The following MYO18A variants were observed in gnomAD, a reference collection of about 807,000 sequenced individuals.
MYO18A encodes myosin XVIIIA, also known as unconventional myosin-XVIIIa.
MYO18A carries 78 observed loss-of-function variants against 235.8 expected under a neutral mutation model. That is an observed-to-expected ratio of 0.33 (90% confidence interval 0.28 to 0.40). The LOEUF is 0.40. MYO18A is among the 10% of genes least tolerant of loss of function. The pLI, the probability that MYO18A is intolerant of heterozygous loss-of-function variation, is 1.00. For synonymous variants in MYO18A, 977 were observed against 1,077.8 expected (o/e 0.91, Z 1.83); for missense variants, 2,215 against 2,699.3 (o/e 0.82, Z 3.98).
At position 29,072,581 on chromosome 17, in the gene MYO18A, A is replaced by G. The variant is rs1239269657; in HGVS notation, c.*2189T>C. The G allele has an allele frequency of 3.3e-5, 5 of 152,098 alleles. No individual in the cohort carries two copies. The highest frequency in any genetic ancestry group is 7.3e-5 in the Non-Finnish European group (5 of 68,070). 9.4% of individuals were successfully genotyped at this position (152,098 alleles called of 1,614,324 possible). On this transcript the variant is annotated 3_prime_UTR_variant, in exon 42 of 42. Transcript: ENST00000527372. ...TTGTTTCTATCCTCTTCTCTGTTCT[A>G]TCGTGGGGCAATGGAGGGGGCAGTC... is the stretch of plus-strand genomic sequence containing the variant.
Position 29,118,884 on chromosome 17 carries a change from A to G in MYO18A, c.1830-444T>C, listed in dbSNP as rs1359945322. ...GTGGCAGAGGCAGCCAACGTGGGGC[A>G]GGAAGGGCTAGTCTGGAGGGCACTG... is the stretch of plus-strand genomic sequence containing the variant. On this transcript the variant is annotated intron_variant, in intron 8 of 41. Transcript: ENST00000527372. This position sits in a 1 kb window ranked among gnomAD's most constrained non-coding sequence, Gnocchi z 4.2. Among the ~76,000 whole-genome samples the G allele has an allele frequency of 1.3e-5, 2 of 152,162 alleles. No individual in the cohort carries two copies. Among genetic ancestry groups the G allele is most frequent in the Non-Finnish European group, 2.9e-5 (2 of 68,010 alleles).
chr17:29,154,121 T>TGTGTGTGTGTGTGTGTGCGCACGCGCGC (rs142430455), intron 2 of MYO18A, among the ~76,000 whole-genome samples: 19 of 149,106 alleles, frequency 1.3e-4, no homozygotes, highest in African/African-American at 4.6e-4. Flanking sequence ...TGTGTGTGTG[T>TGTGTGTGTGTGTGTGTGCGCACGCGCGC]GCGCGCGCGT....
chr17:29,128,657 A>C, intron 2 of MYO18A: 2 of 828,814 alleles, frequency 2.4e-6, no homozygotes, highest in Non-Finnish European at 3.2e-6. Flanking sequence ...TCTCCCATTC[A>C]TCTACCAAGC....
At chr17:29,149,054 T>A (rs1291499061) in intron 2 of MYO18A, among the ~76,000 whole-genome samples, 1 of 152,170 alleles carries the variant, frequency 6.6e-6, no homozygotes, top group Non-Finnish European at 1.5e-5. Context: ...CCCCTTCTCA[T>A]CTACCCTCCC....
chr17:29,147,520 TAAAAACA>T (rs1168745047), intron 2 of MYO18A, among the ~76,000 whole-genome samples: 1 of 148,034 alleles, frequency 6.8e-6, no homozygotes, highest in Non-Finnish European at 1.5e-5. Context: ...AGACCCTGCC[TAAAAACA>T]AAAAACAAAA....
At position 29,092,847 on chromosome 17, in the gene MYO18A, G is replaced by C. The variant is rs754373795; in HGVS notation, c.5073+8C>G. The C allele has an allele frequency of 2.5e-6, 4 of 1,613,742 alleles. No individual in the cohort carries two copies. The highest frequency in any genetic ancestry group is 3.4e-6 in the Non-Finnish European group (4 of 1,179,846). ...TGCCTGGATCAGCCGTGTGCTCTCT[G>C]TGGATACCTGGTTCTTGAGCTGGGC... On this transcript the variant is annotated splice_region_variant and intron_variant, in intron 33 of 41. Coordinates refer to ENST00000527372, the MANE Select transcript of MYO18A (RefSeq NM_078471.4).
Position 29,093,414 on chromosome 17 carries a change from T to C in MYO18A, c.4835A>G (p.Glu1612Gly), listed in dbSNP as rs1314484826. 4 of 1,610,784 alleles carry C rather than the reference T, an allele frequency of 2.5e-6. No homozygotes were observed. In the East Asian group the frequency reaches 6.7e-5, roughly 27 times the overall value. ...CTCATACTCTTCCTCTAGCTGCACC[T>C]CCATCTGTTTTAACTGGAGTACCAT... is the stretch of plus-strand genomic sequence containing the variant. ...QSCQKKLKQM[E>G]VQLEEEYEDK... is the part of the protein sequence containing the mutation. Residue 1612 changes from glutamate to glycine, a missense_variant, in exon 32 of 42, where the codon GAG becomes GGG. Glu to Gly is a moderately conservative substitution (Grantham distance 98). Coordinates refer to ENST00000527372, the MANE Select transcript of MYO18A (RefSeq NM_078471.4).
chr17:29,089,045 C>CA (rs34652243), intron 37 of MYO18A, among the ~76,000 whole-genome samples: 52,457 of 103,040 alleles, frequency 0.51, 11,631 homozygotes, highest in East Asian at 0.84. Flanking sequence ...GACCCTATCT[C>CA]AAAAAAAAAA....
At position 29,074,183 on chromosome 17, in the gene MYO18A, G is replaced by A. The variant is rs1193591289; in HGVS notation, c.*587C>T. On this transcript the variant is annotated 3_prime_UTR_variant, in exon 42 of 42. Coordinates refer to ENST00000527372, the MANE Select transcript of MYO18A (RefSeq NM_078471.4). This position sits in a 1 kb window ranked among gnomAD's most constrained non-coding sequence, Gnocchi z 4.4. ...GAGAAAGGACTGCTCTCTGAAGGGTGAAGATGGAGATGACATTCCCGAGTC... is the reference window on the plus strand; with the variant it reads ...GAGAAAGGACTGCTCTCTGAAGGGTAAAGATGGAGATGACATTCCCGAGTC... 1.9e-6 allele frequency: 3 copies of A among 1,604,472 alleles called. No homozygotes were observed. The highest frequency in any genetic ancestry group is 2.2e-5 in the East Asian group (1 of 44,696).
At chr17:29,116,365 C>T in intron 11 of MYO18A, 79 bp downstream of exon 11, 1 of 1,567,430 alleles carries the variant, frequency 6.4e-7, no homozygotes, top group Non-Finnish European at 8.8e-7. Context: ...AGGGAACAGC[C>T]CGCACAGACA....
At chr17:29,097,069 T>G in intron 27 of MYO18A, 154 bp from the exon 28 acceptor site, 4 of 1,388,964 alleles carry the variant, frequency 2.9e-6, no homozygotes, top group Non-Finnish European at 3.8e-6. Flanking sequence ...GATAGCTTGC[T>G]CCTGATTGCC....
At chr17:29,081,335 G>A (rs1262059876) in intron 41 of MYO18A, among the ~76,000 whole-genome samples, 2 of 152,224 alleles carry the variant, frequency 1.3e-5, no homozygotes, top group Non-Finnish European at 2.9e-5. Flanking sequence ...CTCGTGCCAT[G>A]CCGTGGTGAA....
intron 1 of MYO18A, among the ~76,000 whole-genome samples, chr17:29,168,821 G>A (rs1157170724): frequency 6.6e-6 from 1 of 152,148 alleles, no homozygotes; most frequent in Non-Finnish European, 1.5e-5. Context: ...TCAAGGCCAG[G>A]TACAGTGGCT....
intron 2 of MYO18A, among the ~76,000 whole-genome samples, chr17:29,123,297 G>C (rs2067244380): frequency 6.6e-6 from 1 of 152,110 alleles, no homozygotes; most frequent in East Asian, 1.9e-4. Flanking sequence ...CGTGCCCCGG[G>C]TGGGGGATGG....
At position 29,174,009 on chromosome 17, in the gene MYO18A, A is replaced by G. The variant is rs531427121; in HGVS notation, c.-82+6304T>C. Reference sequence around the variant, plus strand: ...GGCTGGTCTCAAACTCCTGGCCCCAAGCAATCCTCCTGCCTCAGCCTCCTG... The same window carrying G: ...GGCTGGTCTCAAACTCCTGGCCCCAGGCAATCCTCCTGCCTCAGCCTCCTG... On this transcript the variant is annotated intron_variant, in intron 1 of 41. Coordinates refer to ENST00000527372, the MANE Select transcript of MYO18A (RefSeq NM_078471.4). Among the ~76,000 whole-genome samples, 4 of 151,836 alleles carry G rather than the reference A, an allele frequency of 2.6e-5. No homozygotes were observed. In the East Asian group the frequency reaches 7.8e-4, roughly 30 times the overall value.
At chr17:29,085,688 G>A in intron 39 of MYO18A, 40 bp from the exon 40 acceptor site, 1 of 1,608,998 alleles carries the variant, frequency 6.2e-7, no homozygotes, top group Non-Finnish European at 8.5e-7. Flanking sequence ...GGGTCCAGAG[G>A]AAACAGATGA....
At chr17:29,179,194 C>T (rs935677997) in intron 1 of MYO18A, among the ~76,000 whole-genome samples, 4 of 152,190 alleles carry the variant, frequency 2.6e-5, no homozygotes, top group African/African-American at 9.7e-5. Context: ...AACACATGCC[C>T]CATTGGCAAA....
intron 2 of MYO18A, chr17:29,134,049 G>A: frequency 3.1e-6 from 1 of 326,730 alleles, no homozygotes; most frequent in South Asian, 2.5e-5. Context: ...AAGGAAAGTA[G>A]GCACAGAACA....
Position 29,121,468 on chromosome 17 carries a change from G to T in MYO18A, c.1371+79C>A. ...GTGAGAGTGGACAGGAGCCCAGTGG[G>T]GTGCCACAGGGGAAGGGCAGAGAGC... is the stretch of plus-strand genomic sequence containing the variant. On this transcript the variant is annotated intron_variant, in intron 5 of 41. Transcript: ENST00000527372. This position sits in a 1 kb window ranked among gnomAD's most constrained non-coding sequence, Gnocchi z 4.2. 1 of 1,401,248 alleles carries T rather than the reference G, an allele frequency of 7.1e-7. No individual in the cohort carries two copies. The highest frequency in any genetic ancestry group is 9.6e-7 in the Non-Finnish European group (1 of 1,040,258). The allele number at this position is 1,401,248 out of a possible 1,614,324, so 86.8% of individuals were successfully genotyped here. A position where few individuals can be genotyped will look rare whatever the true frequency, so the allele number is the denominator to read the frequency against.
Sources: allele counts gnomAD v4.1 joint callset (sites outside exome capture counted in the v4.1 genomes callset), GRCh38; gene constraint gnomAD v4.1.1; non-coding constraint Gnocchi (gnomAD v3.1); transcripts MANE v1.5; gene names NCBI Gene and HGNC (gene_info 2026-07-23, HGNC 2026-07-21).